PPP2R5E: variants seen among roughly 807,000 people sequenced by gnomAD.
PPP2R5E encodes the protein serine/threonine-protein phosphatase 2A 56 kDa regulatory subunit epsilon isoform.
In PPP2R5E, 4 loss-of-function variants were observed where a neutral mutation model predicts 65.3. The ratio of observed to expected loss-of-function variants is 0.06; its 90% CI spans 0.03 to 0.14. PPP2R5E has a LOEUF of 0.14. Ranked by LOEUF, PPP2R5E falls within the 10% of genes least tolerant of loss-of-function variation. PPP2R5E has a pLI of 1.00. For synonymous variants in PPP2R5E, 183 were observed against 187.4 expected (o/e 0.98, Z 0.19); for missense variants, 274 against 556.1 (o/e 0.49, Z 5.10).
At chr14:63,486,700 G>A (rs1479836758) in intron 2 of PPP2R5E, among the ~76,000 whole-genome samples, 2 of 151,530 alleles carry the variant, frequency 1.3e-5, no homozygotes, top group Admixed American at 6.6e-5. Context: ...CCACCATCCC[G>A]CATAAACTTT....
intron 2 of PPP2R5E, among the ~76,000 whole-genome samples, chr14:63,499,645 T>C (rs1304189759): frequency 6.6e-6 from 1 of 151,918 alleles, no homozygotes; most frequent in Non-Finnish European, 1.5e-5. Flanking sequence ...GAGAATCACT[T>C]GGACCTGGGA....
At chr14:63,429,832 G>A (rs1199284071) in intron 3 of PPP2R5E, among the ~76,000 whole-genome samples, 4 of 151,906 alleles carry the variant, frequency 2.6e-5, no homozygotes, top group Non-Finnish European at 5.9e-5. Flanking sequence ...AGAGGTACCC[G>A]CCACCACGTC....
Position 63,483,884 on chromosome 14 carries a change from A to G in PPP2R5E, c.158-29999T>C, listed in dbSNP as rs112471405. ...TGGATCACGAGGTCAGGAGTTCGAC[A>G]CCAGCCTGGCCAATATGGTGAAACC... On this transcript the variant is annotated intron_variant, in intron 2 of 13. Coordinates refer to ENST00000337537, the MANE Select transcript of PPP2R5E (RefSeq NM_006246.5). 1.9e-3 allele frequency among the ~76,000 whole-genome samples: 296 copies of G among 152,138 alleles called. 3 individuals are homozygous for G. Among genetic ancestry groups the G allele is most frequent in the African/African-American group, 6.7e-3 (280 of 41,492 alleles).
chr14:63,376,230 T>C, intron 13 of PPP2R5E, 122 bp from the exon 14 acceptor site: 2 of 639,234 alleles, frequency 3.1e-6, no homozygotes, highest in Non-Finnish European at 2.5e-6. Context: ...AAATTAACTT[T>C]AAAATTACTA....
chr14:63,402,062 C>T (rs1374486371), intron 5 of PPP2R5E, among the ~76,000 whole-genome samples: 1 of 151,660 alleles, frequency 6.6e-6, no homozygotes, highest in Non-Finnish European at 1.5e-5. Context: ...ATCTTGGAGA[C>T]ATCATACACG....
chr14:63,395,402 G>A (rs1885274354), intron 6 of PPP2R5E, 117 bp from the exon 7 acceptor site: 2 of 416,166 alleles, frequency 4.8e-6, no homozygotes, highest in Non-Finnish European at 8.4e-6. Context: ...AGGAGGAGGA[G>A]GAGAGCGGGG....
chr14:63,455,556 C>A (rs1422149841), intron 2 of PPP2R5E, among the ~76,000 whole-genome samples: 1 of 152,086 alleles, frequency 6.6e-6, no homozygotes, highest in Non-Finnish European at 1.5e-5. Context: ...CCTATGCCCC[C>A]CTGGATTTAA....
intron 3 of PPP2R5E, among the ~76,000 whole-genome samples, chr14:63,423,622 A>T (rs2180493): frequency 0.16 from 24,201 of 152,218 alleles, 2,878 homozygotes; most frequent in African/African-American, 0.34. Context: ...CAGAAGCCTT[A>T]GCTGGCCTTC....
intron 2 of PPP2R5E, among the ~76,000 whole-genome samples, chr14:63,473,019 T>C (rs544116604): frequency 1.2e-4 from 18 of 152,140 alleles, no homozygotes; most frequent in African/African-American, 4.1e-4. Flanking sequence ...CGTGGAAGAA[T>C]AGAAGAAAAA....
intron 13 of PPP2R5E, among the ~76,000 whole-genome samples, chr14:63,378,339 T>C (rs1401111015): frequency 6.6e-6 from 1 of 152,220 alleles, no homozygotes; most frequent in Non-Finnish European, 1.5e-5. Context: ...AAAACTTTCT[T>C]GTGAAAAATC....
intron 4 of PPP2R5E, among the ~76,000 whole-genome samples, chr14:63,417,360 T>A (rs909668384): frequency 6.6e-6 from 1 of 152,174 alleles, no homozygotes; most frequent in South Asian, 2.1e-4. Flanking sequence ...TCTAATTTTG[T>A]CAGTGGTAAC....
chr14:63,490,785 G>C (rs1891249405), intron 2 of PPP2R5E, among the ~76,000 whole-genome samples: 1 of 152,056 alleles, frequency 6.6e-6, no homozygotes, highest in Admixed American at 6.6e-5. Context: ...ACTGATGATG[G>C]GATTGTAAAT....
intron 2 of PPP2R5E, among the ~76,000 whole-genome samples, chr14:63,531,016 A>C (rs1255779): frequency 6.6e-6 from 1 of 152,322 alleles, no homozygotes; most frequent in Non-Finnish European, 1.5e-5. Flanking sequence ...CCTTCCTAAA[A>C]GTGAATGAAA....
rs552733048 is a variant in PPP2R5E, at chr14:63,490,154, T to TAA, written c.158-36271_158-36270dup. ...CAATATAGCAGCCACTAGCCACATA[T>TAA]AACTACTGAGCACTTGGGAAATATG... On this transcript the variant is annotated intron_variant, in intron 2 of 13. Coordinates refer to ENST00000337537, the MANE Select transcript of PPP2R5E (RefSeq NM_006246.5). 1.8e-3 allele frequency among the ~76,000 whole-genome samples: 277 copies of TAA among 152,126 alleles called. 1 individual carries two copies. The highest frequency in any genetic ancestry group is 6.3e-3 in the African/African-American group (262 of 41,512).
intron 2 of PPP2R5E, among the ~76,000 whole-genome samples, chr14:63,498,704 A>G (rs1891705294): frequency 6.6e-6 from 1 of 152,150 alleles, no homozygotes; most frequent in Non-Finnish European, 1.5e-5. Flanking sequence ...GATCACAGGC[A>G]TGAACCACTG....
chr14:63,406,408 C>T (rs916636580), intron 5 of PPP2R5E, among the ~76,000 whole-genome samples: 78 of 138,564 alleles, frequency 5.6e-4, no homozygotes, highest in Non-Finnish European at 1.4e-4. Flanking sequence ...TAGACTTCAT[C>T]TCAAAAAAAA....
rs561872248 is a variant in PPP2R5E at position 63,538,009 on chromosome 14, T to C, written c.157+1520A>G. Among the ~76,000 whole-genome samples, 5 of 152,288 alleles carry C rather than the reference T, an allele frequency of 3.3e-5. No homozygotes were observed. In the South Asian group the frequency reaches 1.0e-3, roughly 32 times the overall value. ...TGCCTAATTTAGAAAAAATTCTTCA[T>C]ATTAAAAACGTGTTGGGCCGGGCAT... On this transcript the variant is annotated intron_variant, in intron 2 of 13. Transcript: ENST00000337537.
chr14:63,535,194 G>T (rs886500181), intron 2 of PPP2R5E, among the ~76,000 whole-genome samples: 1 of 152,094 alleles, frequency 6.6e-6, no homozygotes, highest in African/African-American at 2.4e-5. Flanking sequence ...GGAGGCCAAG[G>T]CAGGTGGATC....
intron 3 of PPP2R5E, among the ~76,000 whole-genome samples, chr14:63,447,826 T>C (rs753308065): frequency 5.9e-5 from 9 of 152,102 alleles, no homozygotes; most frequent in Non-Finnish European, 4.4e-5. Context: ...TTAAAGGCCA[T>C]TATAGGGTTA....
Sources: gnomAD v4.1 joint callset for allele counts (sites outside exome capture counted in the v4.1 genomes callset) on GRCh38, gnomAD v4.1.1 for gene constraint, MANE v1.5 for transcripts, NCBI Gene and HGNC (gene_info 2026-07-23, HGNC 2026-07-21) for gene names.